SEPTIN9: variants seen among roughly 807,000 people sequenced by gnomAD.
SEPTIN9 encodes the protein septin-9.
Under a neutral mutation model 56.6 loss-of-function variants are expected in SEPTIN9, and 13 were observed. The observed-to-expected ratio is 0.23, with a 90% CI of 0.15 to 0.37. The LOEUF is 0.37. SEPTIN9 is among the 10% of genes least tolerant of loss of function. SEPTIN9 has a pLI of 1.00. For missense variants in SEPTIN9, 650 were observed against 823.1 expected (o/e 0.79, Z 2.57); for synonymous variants, 332 against 334.1 (o/e 0.99, Z 0.07).
Position 77,437,172 on chromosome 17 carries a change from T to G in SEPTIN9, c.721+34469T>G, listed in dbSNP as rs1410934787. On this transcript the variant is annotated intron_variant, in intron 3 of 11. Transcript: ENST00000427177. The surrounding 1 kb of genome is among the most constrained non-coding windows in gnomAD (Gnocchi z 5.3). ...GTGGCAGCTGCTGTGATTCTGTGAC[T>G]CCTCCTCACCCCACCCCAGTGGGGC... Among the ~76,000 whole-genome samples, 3 of 152,152 alleles carry G rather than the reference T, an allele frequency of 2.0e-5. No homozygotes were observed. Among genetic ancestry groups the G allele is most frequent in the African/African-American group, 4.8e-5 (2 of 41,430 alleles).
Position 77,436,827 on chromosome 17 carries a change from AG to A in SEPTIN9, c.721+34127del, listed in dbSNP as rs2037358792. On this transcript the variant is annotated intron_variant, in intron 3 of 11. Coordinates refer to ENST00000427177, the MANE Select transcript of SEPTIN9 (RefSeq NM_001113491.2). The surrounding 1 kb of genome is among the most constrained non-coding windows in gnomAD (Gnocchi z 4.4). ...TGGTAAGGACACCCAGGAGAGGGCC[AG>A]GGTGCCTGTATTTGGGGCACAGCAT... is the stretch of plus-strand genomic sequence containing the variant. 6.6e-6 allele frequency among the ~76,000 whole-genome samples: 1 copy of A among 152,236 alleles called. No individual in the cohort carries two copies. The highest frequency in any genetic ancestry group is 2.4e-5 in the African/African-American group (1 of 41,458).
intron 2 of SEPTIN9, among the ~76,000 whole-genome samples, chr17:77,379,117 C>T (rs4789454): frequency 0.39 from 59,752 of 151,906 alleles, 12,478 homozygotes; most frequent in Non-Finnish European, 0.47. Context: ...GGGCTGGCAG[C>T]TGGAACAGTC....
At chr17:77,352,057 T>G (rs1416934357) in intron 2 of SEPTIN9, among the ~76,000 whole-genome samples, 1 of 152,192 alleles carries the variant, frequency 6.6e-6, no homozygotes, top group East Asian at 1.9e-4. Flanking sequence ...CCTGTGTTAC[T>G]GTCCTGCGGC....
Position 77,492,867 on chromosome 17 carries a change from T to C in SEPTIN9, c.1477-113T>C. The C allele has an allele frequency of 8.2e-7, 1 of 1,225,746 alleles. No homozygotes were observed. The allele number at this position is 1,225,746 out of a possible 1,614,324, so 75.9% of individuals were successfully genotyped here. A position where few individuals can be genotyped will look rare whatever the true frequency, so the allele number is the denominator to read the frequency against. ...GTGTCTGTACCCAGTGCTGTCAGGC[T>C]GAGGCTCTCGTTTTTGGGGGACCCC... On this transcript the variant is annotated intron_variant, in intron 9 of 11. Transcript: ENST00000427177. This position sits in a 1 kb window ranked among gnomAD's most constrained non-coding sequence, Gnocchi z 5.4.
intron 2 of SEPTIN9, among the ~76,000 whole-genome samples, chr17:77,320,870 C>A (rs1017574963): frequency 6.6e-6 from 1 of 152,202 alleles, no homozygotes; most frequent in Non-Finnish European, 1.5e-5. Flanking sequence ...AGGAGCCTGG[C>A]GTGTGTGTGC....
chr17:77,438,015 G>A (rs866362289), intron 3 of SEPTIN9, among the ~76,000 whole-genome samples: 2 of 152,238 alleles, frequency 1.3e-5, no homozygotes, highest in Non-Finnish European at 2.9e-5. Flanking sequence ...AGCAGCCCAC[G>A]ACACATCTGC....
In SEPTIN9 at chr17:77,434,950, G is replaced by T. The variant is rs1178716277; in HGVS notation, c.721+32247G>T. 3.3e-5 allele frequency among the ~76,000 whole-genome samples: 5 copies of T among 152,176 alleles called. No individual in the cohort carries two copies. The East Asian group carries it at 9.6e-4, about 29-fold the overall frequency. ...CTCACCCTTCCTCTGCCGACATCAGGCTGCCGGTGCTGGACGGGGCCCTGG... is the reference window on the plus strand; with the variant it reads ...CTCACCCTTCCTCTGCCGACATCAGTCTGCCGGTGCTGGACGGGGCCCTGG... On this transcript the variant is annotated intron_variant, in intron 3 of 11. Coordinates refer to ENST00000427177, the MANE Select transcript of SEPTIN9 (RefSeq NM_001113491.2). This position sits in a 1 kb window ranked among gnomAD's most constrained non-coding sequence, Gnocchi z 5.0.
chr17:77,404,788 G>A lies in SEPTIN9; in HGVS notation c.721+2085G>A, dbSNP rs77870030. Among the ~76,000 whole-genome samples, 888 of 152,244 alleles carry A rather than the reference G, an allele frequency of 5.8e-3. 13 individuals are homozygous for A. Among genetic ancestry groups the A allele is most frequent in the African/African-American group, 0.02 (844 of 41,534 alleles). On this transcript the variant is annotated intron_variant, in intron 3 of 11. Coordinates refer to ENST00000427177, the MANE Select transcript of SEPTIN9 (RefSeq NM_001113491.2). ...TAGTGGGCCTTGGAAGGTCCTTTCC[G>A]GCCCTCAGTGTGCGAGTCCCGTGTT...
chr17:77,461,767 T>C (rs1181600822), intron 3 of SEPTIN9, among the ~76,000 whole-genome samples: 1 of 152,186 alleles, frequency 6.6e-6, no homozygotes, highest in African/African-American at 2.4e-5. Flanking sequence ...CTCACCTCAT[T>C]ACAGAGGTTG....
chr17:77,460,137 A>G (rs919968752), intron 3 of SEPTIN9, among the ~76,000 whole-genome samples: 1 of 151,972 alleles, frequency 6.6e-6, no homozygotes, highest in Admixed American at 6.5e-5. Context: ...GGAGGGGACA[A>G]CGTCCAAACC....
At chr17:77,292,690 C>G (rs1283961506) in intron 1 of SEPTIN9, among the ~76,000 whole-genome samples, 2 of 152,038 alleles carry the variant, frequency 1.3e-5, no homozygotes, top group Admixed American at 6.6e-5. Flanking sequence ...GACGGGGTTT[C>G]CCTACATTGG....
intron 2 of SEPTIN9, among the ~76,000 whole-genome samples, chr17:77,337,224 G>T (rs1012122629): frequency 2.0e-5 from 3 of 151,894 alleles, no homozygotes; most frequent in African/African-American, 7.3e-5. Flanking sequence ...GCTCAGGCTG[G>T]TCTGCAATTC....
intron 1 of SEPTIN9, chr17:77,294,890 G>C (rs538198883): frequency 6.6e-6 from 1 of 152,342 alleles, no homozygotes; most frequent in East Asian, 1.9e-4. Context: ...TGCGCGGTAG[G>C]TGGAATTGGA....
intron 2 of SEPTIN9, among the ~76,000 whole-genome samples, chr17:77,386,131 G>A (rs1841132179): frequency 6.6e-6 from 1 of 152,180 alleles, no homozygotes; most frequent in Admixed American, 6.5e-5. Flanking sequence ...GGCTTCCCAC[G>A]CAAGCAGCCA....
chr17:77,292,046 G>A (rs1169275295), intron 1 of SEPTIN9, among the ~76,000 whole-genome samples: 1 of 152,106 alleles, frequency 6.6e-6, no homozygotes, highest in Admixed American at 6.5e-5. Flanking sequence ...TTTTCACCAC[G>A]GCAGTCATGC....
rs368518305 is a variant in SEPTIN9 at position 77,347,193 on chromosome 17, C to T, written c.76+39996C>T. Among the ~76,000 whole-genome samples the T allele has an allele frequency of 7.2e-4, 110 of 152,190 alleles. 3 individuals carry two copies. The South Asian group carries it at 0.016, about 22-fold the overall frequency. ...AGGAGTTTGAGACCAGCCTGGACAA[C>T]ATGGTGAAACCTTGTCTCTACTAAA... On this transcript the variant is annotated intron_variant, in intron 2 of 11. Transcript: ENST00000427177.
At chr17:77,438,323 G>T (rs1030050115) in intron 3 of SEPTIN9, among the ~76,000 whole-genome samples, 1 of 152,162 alleles carries the variant, frequency 6.6e-6, no homozygotes, top group African/African-American at 2.4e-5. Flanking sequence ...TCGAACCCAC[G>T]CAGGCAGCCT....
At chr17:77,284,099 A>G (rs2031159552) in intron 1 of SEPTIN9, among the ~76,000 whole-genome samples, 1 of 152,176 alleles carries the variant, frequency 6.6e-6, no homozygotes, top group Non-Finnish European at 1.5e-5. Flanking sequence ...CCAGCTACTC[A>G]GGAGGCTGAG....
At chr17:77,288,830 G>T (rs1471586889) in intron 1 of SEPTIN9, among the ~76,000 whole-genome samples, 3 of 152,188 alleles carry the variant, frequency 2.0e-5, no homozygotes, top group Non-Finnish European at 4.4e-5. Flanking sequence ...GAGGTGAGCC[G>T]GTGGCGTAGA....
Sources: allele counts gnomAD v4.1 joint callset (sites outside exome capture counted in the v4.1 genomes callset), GRCh38; gene constraint gnomAD v4.1.1; non-coding constraint Gnocchi (gnomAD v3.1); transcripts MANE v1.5; gene names NCBI Gene and HGNC (gene_info 2026-07-23, HGNC 2026-07-21).